The following MYO1E variants were observed in gnomAD, a reference collection of about 807,000 sequenced individuals.
MYO1E encodes the protein unconventional myosin-Ie.
A neutral mutation model predicts 151.1 loss-of-function variants in MYO1E; 68 were observed. The observed-to-expected ratio is 0.45, with a 90% CI of 0.37 to 0.55. The LOEUF is 0.55. Among genes scored for constraint, MYO1E ranks in the 20% least tolerant of loss-of-function variants. The probability of loss-of-function intolerance (pLI) is 0.00; values close to 1 mark genes in which losing one functional copy is unlikely to be tolerated. For missense variants in MYO1E, 1,363 were observed against 1,389.3 expected (o/e 0.98, Z 0.30); for synonymous variants, 601 against 501.7 (o/e 1.20, Z -2.64).
At chr15:59,162,831 T>C (rs79439807) in intron 23 of MYO1E, among the ~76,000 whole-genome samples, 1,897 of 152,244 alleles carry the variant, frequency 0.012, 67 homozygotes, top group East Asian at 0.036. Context: ...ATTCTACTCC[T>C]GTCTGCTCTC....
At chr15:59,307,209 C>T (rs1489006437) in intron 1 of MYO1E, among the ~76,000 whole-genome samples, 1 of 152,168 alleles carries the variant, frequency 6.6e-6, no homozygotes, top group African/African-American at 2.4e-5. Flanking sequence ...GGGACATCAC[C>T]CAGGGAGCTG....
At chr15:59,225,935 C>T (rs1429575965) in intron 7 of MYO1E, among the ~76,000 whole-genome samples, 3 of 152,068 alleles carry the variant, frequency 2.0e-5, no homozygotes, top group African/African-American at 4.8e-5. Context: ...CGTGAGCCAC[C>T]GCACCCAGCC....
intron 10 of MYO1E, among the ~76,000 whole-genome samples, chr15:59,215,287 AGGGT>A (rs2079906373): frequency 6.6e-6 from 1 of 152,186 alleles, no homozygotes; most frequent in African/African-American, 2.4e-5. Flanking sequence ...CACCTTTGCC[AGGGT>A]TTGCTAAGTG....
At chr15:59,215,760 T>C (rs1456726112) in intron 10 of MYO1E, among the ~76,000 whole-genome samples, 3 of 152,184 alleles carry the variant, frequency 2.0e-5, no homozygotes, top group Non-Finnish European at 4.4e-5. Flanking sequence ...ATTCATGTAC[T>C]GGTACTATTC....
At chr15:59,203,802 C>T (rs1022695189) in intron 15 of MYO1E, among the ~76,000 whole-genome samples, 11 of 152,218 alleles carry the variant, frequency 7.2e-5, no homozygotes, top group African/African-American at 2.2e-4. Flanking sequence ...GCATGGTGCA[C>T]AGTTGGTCCA....
rs1282760221 is a variant in MYO1E, at chr15:59,133,101, T to TTGGGCAC, written c.*4272_*4278dup. On this transcript the variant is annotated 3_prime_UTR_variant, in exon 28 of 28. Coordinates refer to ENST00000288235, the MANE Select transcript of MYO1E (RefSeq NM_004998.4). Reference sequence around the variant, plus strand: ...GAAAATGATTAAAAGCACAGGCCTTTTGGGCACAGTGGCTCATGCTTGTAA... The same window carrying TTGGGCAC: ...GAAAATGATTAAAAGCACAGGCCTTTTGGGCACTGGGCACAGTGGCTCATGCTTGTAA... The TTGGGCAC allele has an allele frequency of 2.6e-5, 4 of 152,242 alleles. No individual in the cohort carries two copies. Among genetic ancestry groups the TTGGGCAC allele is most frequent in the African/African-American group, 9.7e-5 (4 of 41,450 alleles). The allele number at this position is 152,242 out of a possible 1,614,324, so 9.4% of individuals were successfully genotyped here.
At chr15:59,254,824 G>T (rs1436412234) in intron 4 of MYO1E, among the ~76,000 whole-genome samples, 1 of 151,686 alleles carries the variant, frequency 6.6e-6, no homozygotes, top group Non-Finnish European at 1.5e-5. Context: ...ACAATAGTAA[G>T]CAGAGCTTTT....
intron 1 of MYO1E, among the ~76,000 whole-genome samples, chr15:59,293,153 GCAACGGACAAT>G (rs2080429635): frequency 6.6e-6 from 1 of 152,088 alleles, no homozygotes; most frequent in Non-Finnish European, 1.5e-5. Context: ...GAAAAGAAGG[GCAACGGACAAT>G]CACCCCCATC....
chr15:59,260,693 A>G (rs2080219633), intron 3 of MYO1E, among the ~76,000 whole-genome samples: 1 of 152,154 alleles, frequency 6.6e-6, no homozygotes, highest in East Asian at 1.9e-4. Flanking sequence ...GTAATACAAG[A>G]TTCATTTTTC....
chr15:59,216,666 G>GTGTGTGTGTGTGTGTGTGTGTGTA (rs777094542), intron 10 of MYO1E, among the ~76,000 whole-genome samples: 4 of 30,882 alleles, frequency 1.3e-4, no homozygotes, highest in South Asian at 1.4e-3. Context: ...GTGTGTATGT[G>GTGTGTGTGTGTGTGTGTGTGTGTA]TATATATATA....
intron 1 of MYO1E, among the ~76,000 whole-genome samples, chr15:59,356,555 T>G (rs2080853476): frequency 6.6e-6 from 1 of 152,196 alleles, no homozygotes; most frequent in Non-Finnish European, 1.5e-5. Flanking sequence ...TACTGATGCA[T>G]AACAAAAAGA....
chr15:59,296,163 C>T (rs148453851), intron 1 of MYO1E, among the ~76,000 whole-genome samples: 72 of 152,312 alleles, frequency 4.7e-4, no homozygotes, highest in African/African-American at 1.6e-3. Context: ...AAGCAAGAGA[C>T]ATCACGCTGT....
At chr15:59,189,663 C>T (rs1406806630) in intron 17 of MYO1E, among the ~76,000 whole-genome samples, 1 of 152,172 alleles carries the variant, frequency 6.6e-6, no homozygotes, top group Non-Finnish European at 1.5e-5. Context: ...CAAACTCCGC[C>T]TTGTGGGTTC....
intron 26 of MYO1E, among the ~76,000 whole-genome samples, chr15:59,141,980 G>C (rs1340696960): frequency 6.6e-6 from 1 of 151,570 alleles, no homozygotes; most frequent in South Asian, 2.1e-4. Flanking sequence ...GGTGGCGGGC[G>C]CTTGTAGTCC....
intron 22 of MYO1E, among the ~76,000 whole-genome samples, chr15:59,163,730 T>C (rs538988464): frequency 5.9e-5 from 9 of 152,176 alleles, no homozygotes; most frequent in Admixed American, 1.3e-4. Flanking sequence ...GTTATAGCTA[T>C]TGTAGTAAAT....
At chr15:59,194,798 T>G (rs537553076) in intron 17 of MYO1E, among the ~76,000 whole-genome samples, 126 of 152,308 alleles carry the variant, frequency 8.3e-4, no homozygotes, top group African/African-American at 2.8e-3. Context: ...TCCTCCTCAA[T>G]GCCGCCATTT....
At chr15:59,258,085 G>A (rs148125607) in intron 3 of MYO1E, among the ~76,000 whole-genome samples, 255 of 152,302 alleles carry the variant, frequency 1.7e-3, no homozygotes, top group African/African-American at 5.9e-3. Flanking sequence ...CCTGGCTCAG[G>A]CCTGTAATCT....
At chr15:59,290,257 T>A (rs1596402589) in intron 1 of MYO1E, among the ~76,000 whole-genome samples, 2 of 152,090 alleles carry the variant, frequency 1.3e-5, no homozygotes, top group African/African-American at 4.8e-5. Flanking sequence ...GGTGAAAATA[T>A]CTCACGGGAG....
chr15:59,297,545 A>G (rs543199252), intron 1 of MYO1E, among the ~76,000 whole-genome samples: 1 of 149,940 alleles, frequency 6.7e-6, no homozygotes, highest in Admixed American at 6.8e-5. Flanking sequence ...AGCCTCCCAA[A>G]GTGCTGGGAT....
Sources: allele counts gnomAD v4.1 joint callset (sites outside exome capture counted in the v4.1 genomes callset), GRCh38; gene constraint gnomAD v4.1.1; transcripts MANE v1.5; gene names NCBI Gene and HGNC (gene_info 2026-07-23, HGNC 2026-07-21).